Variants in SGCZ observed in about 807,000 individuals in gnomAD.
The protein encoded by SGCZ is zeta-sarcoglycan.
In SGCZ, 40 loss-of-function variants were observed where a neutral mutation model predicts 41.3. The observed-to-expected ratio is 0.97, with a 90% CI of 0.75 to 1.26. The LOEUF is 1.26. Ranked by LOEUF, SGCZ falls within the 50% of genes most tolerant of loss-of-function variation. The pLI is 0.00. For synonymous variants in SGCZ, 206 were observed against 137.5 expected (o/e 1.50, Z -3.49); for missense variants, 552 against 369.8 (o/e 1.49, Z -4.04).
At chr8:14,362,183 C>G (rs1382596590) in intron 2 of SGCZ, among the ~76,000 whole-genome samples, 1 of 152,148 alleles carries the variant, frequency 6.6e-6, no homozygotes, top group Non-Finnish European at 1.5e-5. Flanking sequence ...TATTGATGTT[C>G]GCACACCATA....
chr8:14,325,379 C>T (rs1802057008), intron 2 of SGCZ, among the ~76,000 whole-genome samples: 1 of 151,502 alleles, frequency 6.6e-6, no homozygotes, highest in African/African-American at 2.4e-5. Context: ...ACTTTAAAAA[C>T]TGAAATAGTA....
chr8:14,641,215 G>C (rs577275968), intron 1 of SGCZ, among the ~76,000 whole-genome samples: 1 of 151,690 alleles, frequency 6.6e-6, no homozygotes, highest in African/African-American at 2.4e-5. Context: ...TTTCGCTCCA[G>C]GCTTAGTCTA....
At chr8:15,194,185 T>TCACACACACACACA (rs34127082) in intron 1 of SGCZ, among the ~76,000 whole-genome samples, 3 of 139,494 alleles carry the variant, frequency 2.2e-5, no homozygotes, top group Non-Finnish European at 3.1e-5. Context: ...CCACCTCTAA[T>TCACACACACACACA]CACACACACA....
intron 2 of SGCZ, among the ~76,000 whole-genome samples, chr8:14,506,724 A>T (rs1407496529): frequency 5.3e-5 from 8 of 152,128 alleles, no homozygotes; most frequent in Non-Finnish European, 1.2e-4. Context: ...ATGTTACTAA[A>T]TTGAATGGTC....
At chr8:14,680,979 A>C (rs1353608622) in intron 1 of SGCZ, among the ~76,000 whole-genome samples, 12 of 150,896 alleles carry the variant, frequency 8.0e-5, no homozygotes, top group Admixed American at 6.6e-5. Context: ...AAAAAAAAAA[A>C]AACAGAAAAT....
At chr8:14,707,389 C>G (rs1809367605) in intron 1 of SGCZ, among the ~76,000 whole-genome samples, 1 of 151,964 alleles carries the variant, frequency 6.6e-6, no homozygotes, top group Non-Finnish European at 1.5e-5. Context: ...GTTTTAGAAA[C>G]AGCTGTAGAA....
At chr8:14,580,285 T>C (rs773181085) in intron 1 of SGCZ, among the ~76,000 whole-genome samples, 4 of 152,222 alleles carry the variant, frequency 2.6e-5, no homozygotes, top group Non-Finnish European at 5.9e-5. Flanking sequence ...AGTGCTAAAA[T>C]AAATTGTAGA....
At chr8:14,933,315 G>A (rs990034262) in intron 1 of SGCZ, among the ~76,000 whole-genome samples, 2 of 151,892 alleles carry the variant, frequency 1.3e-5, no homozygotes, top group African/African-American at 2.4e-5. Flanking sequence ...CAGAGAAAGA[G>A]GACCCAGAAA....
At chr8:14,342,858 C>T (rs1311051380) in intron 2 of SGCZ, among the ~76,000 whole-genome samples, 5 of 152,176 alleles carry the variant, frequency 3.3e-5, no homozygotes, top group African/African-American at 1.2e-4. Flanking sequence ...CAGGCCATGA[C>T]AGCGACCTTC....
chr8:15,205,238 G>T (rs1389948062), intron 1 of SGCZ, among the ~76,000 whole-genome samples: 4 of 152,112 alleles, frequency 2.6e-5, no homozygotes, highest in African/African-American at 9.7e-5. Context: ...AATCACAACA[G>T]AAACCAAATT....
At chr8:14,996,185 G>C (rs945761080) in intron 1 of SGCZ, among the ~76,000 whole-genome samples, 1 of 152,182 alleles carries the variant, frequency 6.6e-6, no homozygotes, top group Non-Finnish European at 1.5e-5. Flanking sequence ...TTACAGGCAT[G>C]AGCCACTACA....
chr8:14,727,424 A>G (rs1449104232), intron 1 of SGCZ, among the ~76,000 whole-genome samples: 2 of 152,122 alleles, frequency 1.3e-5, no homozygotes, highest in Non-Finnish European at 2.9e-5. Context: ...GCTTGGCAAT[A>G]TCTTATGAAA....
chr8:15,171,932 G>A (rs1799842154), intron 1 of SGCZ, among the ~76,000 whole-genome samples: 1 of 151,978 alleles, frequency 6.6e-6, no homozygotes, highest in African/African-American at 2.4e-5. Flanking sequence ...CAAGTCAATT[G>A]AACAGAGTGC....
chr8:14,712,530 A>G (rs1809554293), intron 1 of SGCZ, among the ~76,000 whole-genome samples: 1 of 152,120 alleles, frequency 6.6e-6, no homozygotes, highest in Non-Finnish European at 1.5e-5. Flanking sequence ...TCATTTGGGG[A>G]AAAATATTAG....
At chr8:14,775,716 A>C (rs1433570166) in intron 1 of SGCZ, among the ~76,000 whole-genome samples, 2 of 152,186 alleles carry the variant, frequency 1.3e-5, no homozygotes, top group Non-Finnish European at 2.9e-5. Flanking sequence ...AAAAGATGTG[A>C]AGTCATTTTG....
intron 1 of SGCZ, among the ~76,000 whole-genome samples, chr8:15,150,593 C>A (rs1378114513): frequency 2.0e-5 from 3 of 152,144 alleles, no homozygotes; most frequent in African/African-American, 7.2e-5. Context: ...CCTGTTGATA[C>A]TTGAACTGAA....
intron 2 of SGCZ, among the ~76,000 whole-genome samples, chr8:14,435,113 A>C (rs913401528): frequency 1.3e-5 from 2 of 152,204 alleles, no homozygotes; most frequent in African/African-American, 2.4e-5. Context: ...ATATTAATAA[A>C]AGCGTGATAT....
intron 1 of SGCZ, among the ~76,000 whole-genome samples, chr8:14,632,346 C>T (rs1279824154): frequency 6.6e-6 from 1 of 151,928 alleles, no homozygotes; most frequent in Non-Finnish European, 1.5e-5. Flanking sequence ...TAATCTAGTG[C>T]ATTATCTACC....
intron 2 of SGCZ, among the ~76,000 whole-genome samples, chr8:14,419,731 C>T (rs1254983701): frequency 6.6e-6 from 1 of 151,902 alleles, no homozygotes; most frequent in African/African-American, 2.4e-5. Context: ...ACTAAACTTG[C>T]TTTTGAGTAA....
Sources: allele counts gnomAD v4.1 joint callset (sites outside exome capture counted in the v4.1 genomes callset), GRCh38; gene constraint gnomAD v4.1.1; transcripts MANE v1.5; gene names NCBI Gene and HGNC (gene_info 2026-07-23, HGNC 2026-07-21).